Variants in ELMO1 observed in about 807,000 individuals in gnomAD.
ELMO1 encodes engulfment and cell motility protein 1.
Under a neutral mutation model 98.9 loss-of-function variants are expected in ELMO1, and 26 were observed. The observed-to-expected ratio is 0.26, with a 90% confidence interval of 0.19 to 0.36. The LOEUF is 0.36. Ranked by LOEUF, ELMO1 falls within the 10% of genes least tolerant of loss-of-function variation. The pLI is 1.00. For synonymous variants in ELMO1, 346 were observed against 346.0 expected, an observed-to-expected ratio of 1.00 and a Z score of 0.00; for missense variants, 627 against 935.2, an observed-to-expected ratio of 0.67 and a Z score of 4.30.
intron 16 of ELMO1, among the ~76,000 whole-genome samples, chr7:36,917,727 G>A (rs1227937128): frequency 6.6e-6 from 1 of 152,164 alleles, no homozygotes; most frequent in Non-Finnish European, 1.5e-5. Flanking sequence ...TGGACCCCAG[G>A]ATCCAACTCC....
At chr7:37,033,174 A>C (rs1408262592) in intron 15 of ELMO1, among the ~76,000 whole-genome samples, 1 of 152,148 alleles carries the variant, frequency 6.6e-6, no homozygotes, top group Non-Finnish European at 1.5e-5. Context: ...TCTGCCTGCA[A>C]AGGAGACACT....
chr7:37,015,198 G>A (rs533677058), intron 15 of ELMO1, among the ~76,000 whole-genome samples: 1 of 152,070 alleles, frequency 6.6e-6, no homozygotes, highest in East Asian at 1.9e-4. Context: ...AGTCCTGTAG[G>A]AAGAGTCCGG....
At chr7:36,940,287 G>T (rs997608631) in intron 16 of ELMO1, among the ~76,000 whole-genome samples, 1 of 152,194 alleles carries the variant, frequency 6.6e-6, no homozygotes, top group Non-Finnish European at 1.5e-5. Context: ...AGGCCAAGGA[G>T]AGCCTTCTAC....
Position 37,120,082 on chromosome 7 carries a change from G to A in ELMO1, c.1191+13048C>T, listed in dbSNP as rs138093242. On this transcript the variant is annotated intron_variant, in intron 14 of 21. Coordinates refer to ENST00000310758, the MANE Select transcript of ELMO1 (RefSeq NM_014800.11). The stretch of plus-strand genomic sequence containing the variant: ...GAAACCTCAAGATTATACAAATTCC[G>A]TTGGGTAACAGCTTTGTTGAGTAGG... 2.5e-3 allele frequency among the ~76,000 whole-genome samples: 379 copies of A among 152,296 alleles called. 2 individuals are homozygous for A. Among genetic ancestry groups the A allele is most frequent in the African/African-American group, 8.0e-3 (334 of 41,560 alleles).
chr7:37,348,091 C>A (rs903189872), intron 1 of ELMO1, among the ~76,000 whole-genome samples: 52 of 152,190 alleles, frequency 3.4e-4, no homozygotes, highest in African/African-American at 1.2e-3. Context: ...CCGCGGCAGG[C>A]AGGCATTTTA....
At chr7:36,985,325 T>C (rs1562877815) in intron 16 of ELMO1, among the ~76,000 whole-genome samples, 1 of 152,108 alleles carries the variant, frequency 6.6e-6, no homozygotes, top group Non-Finnish European at 1.5e-5. Context: ...ACTTTATCTT[T>C]GCAATTAATT....
chr7:37,291,481 C>T (rs1391541143), intron 4 of ELMO1, among the ~76,000 whole-genome samples: 3 of 152,172 alleles, frequency 2.0e-5, no homozygotes, highest in African/African-American at 7.2e-5. Context: ...ATATAAACAA[C>T]TCCTGTAAAT....
At chr7:36,977,521 T>A (rs1222064943) in intron 16 of ELMO1, among the ~76,000 whole-genome samples, 1 of 152,240 alleles carries the variant, frequency 6.6e-6, no homozygotes, top group Non-Finnish European at 1.5e-5. Flanking sequence ...CCAAGTCACA[T>A]GGAATTGCAA....
Position 37,342,195 on chromosome 7 carries a change from AC to A in ELMO1, c.78+417del, listed in dbSNP as rs1800754631. Among the ~76,000 whole-genome samples, 1 of 152,298 alleles carries A rather than the reference AC, an allele frequency of 6.6e-6. No individual in the cohort carries two copies. The highest frequency in any genetic ancestry group is 1.9e-4 in the East Asian group (1 of 5,190). Reference sequence around the variant, plus strand: ...TACAAAGCTATTAATATAACAAAGTACCAATGCATTTGGCTGCTTCTGCAAA... The same window carrying A: ...TACAAAGCTATTAATATAACAAAGTACAATGCATTTGGCTGCTTCTGCAAA... On this transcript the variant is annotated intron_variant, in intron 2 of 21. Transcript: ENST00000310758. This position sits in a 1 kb window ranked among gnomAD's most constrained non-coding sequence, Gnocchi z 4.3.
At chr7:37,069,954 C>T (rs1797184593) in intron 15 of ELMO1, among the ~76,000 whole-genome samples, 1 of 152,096 alleles carries the variant, frequency 6.6e-6, no homozygotes, top group African/African-American at 2.4e-5. Flanking sequence ...CCTAGATTTG[C>T]TTGAAAATGA....
chr7:37,105,200 C>T (rs1227977932), intron 14 of ELMO1, among the ~76,000 whole-genome samples: 1 of 152,204 alleles, frequency 6.6e-6, no homozygotes, highest in African/African-American at 2.4e-5. Flanking sequence ...TCCCTTTGAG[C>T]ATCACCTCAG....
chr7:37,363,854 A>G (rs1014782468), intron 1 of ELMO1, among the ~76,000 whole-genome samples: 1 of 152,216 alleles, frequency 6.6e-6, no homozygotes, highest in Non-Finnish European at 1.5e-5. Flanking sequence ...CTTAGGAATC[A>G]GGGTAGAAAA....
At chr7:37,331,359 A>ATTTTTTTTTTTTTTTTTTTTT in intron 2 of ELMO1, among the ~76,000 whole-genome samples, 9 of 81,444 alleles carry the variant, frequency 1.1e-4, no homozygotes, top group Admixed American at 1.6e-4. Context: ...TTTTTTTGGA[A>ATTTTTTTTTTTTTTTTTTTTT]TTTTAGTAGA....
chr7:37,068,412 T>C (rs1044792094), intron 15 of ELMO1, among the ~76,000 whole-genome samples: 8 of 152,212 alleles, frequency 5.3e-5, no homozygotes, highest in Non-Finnish European at 1.2e-4. Context: ...AGGTCACAGT[T>C]GACAGTGGCC....
chr7:37,188,096 G>T (rs1021453475), intron 13 of ELMO1, among the ~76,000 whole-genome samples: 1 of 151,848 alleles, frequency 6.6e-6, no homozygotes, highest in Non-Finnish European at 1.5e-5. Flanking sequence ...CTTTTACCGC[G>T]GTTCAGAAAT....
rs571116747 is a variant in ELMO1 at position 37,424,541 on chromosome 7, T to C, written c.-74+24134A>G. Among the ~76,000 whole-genome samples, 6 of 152,316 alleles carry C rather than the reference T, an allele frequency of 3.9e-5. No homozygotes were observed. In the East Asian group the frequency reaches 1.2e-3, roughly 29 times the overall value. On this transcript the variant is annotated intron_variant, in intron 1 of 21. Coordinates refer to ENST00000310758, the MANE Select transcript of ELMO1 (RefSeq NM_014800.11). Reference sequence around the variant, plus strand: ...TATATACTCCTCAAGAATTTGTCAATATTAGCAATTGGGCTAGGCCTTAGA... The same window carrying C: ...TATATACTCCTCAAGAATTTGTCAACATTAGCAATTGGGCTAGGCCTTAGA...
At chr7:37,373,360 A>C (rs1802195586) in intron 1 of ELMO1, among the ~76,000 whole-genome samples, 1 of 152,030 alleles carries the variant, frequency 6.6e-6, no homozygotes, top group South Asian at 2.1e-4. Context: ...TAATCCCAGC[A>C]CTTTGGGAGC....
intron 16 of ELMO1, among the ~76,000 whole-genome samples, chr7:36,912,261 G>C (rs559387362): frequency 1.3e-5 from 2 of 152,262 alleles, no homozygotes; most frequent in Non-Finnish European, 2.9e-5. Flanking sequence ...ACCCAAGAAA[G>C]GATACTATAG....
chr7:37,109,542 CA>C (rs1372063766), intron 14 of ELMO1, among the ~76,000 whole-genome samples: 14 of 152,110 alleles, frequency 9.2e-5, no homozygotes, highest in African/African-American at 3.4e-4. Flanking sequence ...AGATAAGGCC[CA>C]GGGGATCCGG....
Sources: allele counts gnomAD v4.1 joint callset (sites outside exome capture counted in the v4.1 genomes callset), GRCh38; gene constraint gnomAD v4.1.1; non-coding constraint Gnocchi (gnomAD v3.1); transcripts MANE v1.5; gene names NCBI Gene and HGNC (gene_info 2026-07-23, HGNC 2026-07-21).